RFC3: variants seen among roughly 807,000 people sequenced by gnomAD.
The protein encoded by RFC3 is A1 38 kDa subunit.
In RFC3, 41 loss-of-function variants were observed where a neutral mutation model predicts 45.1. That is an observed-to-expected ratio of 0.91 (90% CI 0.71 to 1.18). RFC3 has a LOEUF of 1.18. Ranked by LOEUF, RFC3 falls within the 50% of genes most tolerant of loss-of-function variation. The pLI, the probability that RFC3 is intolerant of heterozygous loss-of-function variation, is 0.00. For missense variants in RFC3, 423 were observed against 428.1 expected (o/e 0.99, Z 0.10); for synonymous variants, 149 against 144.0 (o/e 1.03, Z -0.25).
At chr13:33,825,647 CTT>C in intron 3 of RFC3, 140 bp from the exon 4 acceptor site, 1 of 416,034 alleles carries the variant, frequency 2.4e-6, no homozygotes, top group Non-Finnish European at 4.2e-6. Context: ...GACCCTAAAA[CTT>C]TTTACTTTTG....
At chr13:33,868,603 T>A (rs1253278349) in intron 8 of RFC3, among the ~76,000 whole-genome samples, 1 of 152,184 alleles carries the variant, frequency 6.6e-6, no homozygotes, top group East Asian at 1.9e-4. Flanking sequence ...CACTCCTTCA[T>A]TTACATAGAG....
intron 8 of RFC3, among the ~76,000 whole-genome samples, chr13:33,918,696 C>T (rs566249588): frequency 1.3e-4 from 20 of 152,074 alleles, no homozygotes; most frequent in Non-Finnish European, 2.4e-4. Flanking sequence ...GAGGGCATTG[C>T]GACAAAAACC....
At chr13:33,937,109 G>A (rs777297471) in intron 8 of RFC3, among the ~76,000 whole-genome samples, 2 of 152,114 alleles carry the variant, frequency 1.3e-5, no homozygotes, top group Non-Finnish European at 2.9e-5. Flanking sequence ...ACCATGTAAT[G>A]TTTCAGATAC....
chr13:33,925,075 A>G (rs2082795706), intron 8 of RFC3, among the ~76,000 whole-genome samples: 1 of 141,882 alleles, frequency 7.0e-6, no homozygotes, highest in East Asian at 2.0e-4. Context: ...ATAGTGTACT[A>G]TATACACGCA....
intron 3 of RFC3, among the ~76,000 whole-genome samples, chr13:33,825,021 G>A (rs1270468430): frequency 6.6e-6 from 1 of 152,130 alleles, no homozygotes; most frequent in East Asian, 1.9e-4. Context: ...GGCTCTTTGA[G>A]AAAATAAAGT....
At chr13:33,901,639 CTATAGTT>C (rs1347565398) in intron 8 of RFC3, among the ~76,000 whole-genome samples, 1 of 151,988 alleles carries the variant, frequency 6.6e-6, no homozygotes, top group East Asian at 1.9e-4. Context: ...AGTAGGGTGA[CTATAGTT>C]TATAATAATC....
At chr13:33,874,387 G>C (rs1026406070) in intron 8 of RFC3, among the ~76,000 whole-genome samples, 2 of 152,062 alleles carry the variant, frequency 1.3e-5, no homozygotes, top group South Asian at 2.1e-4. Flanking sequence ...GTGCAGTCTC[G>C]GCTAACTGCA....
At chr13:33,918,646 C>A (rs1401004866) in intron 8 of RFC3, among the ~76,000 whole-genome samples, 2 of 152,028 alleles carry the variant, frequency 1.3e-5, no homozygotes, top group Admixed American at 1.3e-4. Flanking sequence ...AATAATAGCA[C>A]CAAATAAAGA....
intron 1 of RFC3, among the ~76,000 whole-genome samples, chr13:33,820,902 C>CATATATATATTTATATATAT (rs1350936943): frequency 1.1e-5 from 1 of 90,632 alleles, no homozygotes; most frequent in Non-Finnish European, 2.4e-5. Context: ...AACTTTTCAG[C>CATATATATATTTATATATAT]ATATATATAT....
chr13:33,910,610 C>T (rs893676407), intron 8 of RFC3, among the ~76,000 whole-genome samples: 3 of 151,972 alleles, frequency 2.0e-5, no homozygotes, highest in Non-Finnish European at 4.4e-5. Flanking sequence ...AGCTACCTGG[C>T]AAGGAGTCTA....
At chr13:33,878,532 TGAG>T (rs1352894687) in intron 8 of RFC3, among the ~76,000 whole-genome samples, 1 of 152,086 alleles carries the variant, frequency 6.6e-6, no homozygotes, top group East Asian at 1.9e-4. Context: ...AAAAATGTGA[TGAG>T]GAGCAGGTAT....
At chr13:33,823,312 A>G (rs1287511607) in intron 2 of RFC3, among the ~76,000 whole-genome samples, 1 of 152,182 alleles carries the variant, frequency 6.6e-6, no homozygotes, top group Non-Finnish European at 1.5e-5. Flanking sequence ...CTTACATAGA[A>G]ATGAAAGCAG....
At chr13:33,881,357 C>T (rs1430231281) in intron 8 of RFC3, among the ~76,000 whole-genome samples, 1 of 152,148 alleles carries the variant, frequency 6.6e-6, no homozygotes, top group African/African-American at 2.4e-5. Context: ...ATCATTGGCG[C>T]TCTAAGTCCA....
At chr13:33,834,298 G>GTGTGTGTGTATATATATATATA (rs1302839326) in intron 7 of RFC3, among the ~76,000 whole-genome samples, 3 of 109,218 alleles carry the variant, frequency 2.7e-5, no homozygotes, top group African/African-American at 1.2e-4. Context: ...TGTACTGTGT[G>GTGTGTGTGTATATATATATATA]TATATATATA....
At chr13:33,906,715 A>T (rs2082674120) in intron 8 of RFC3, among the ~76,000 whole-genome samples, 1 of 152,174 alleles carries the variant, frequency 6.6e-6, no homozygotes, top group Admixed American at 6.5e-5. Flanking sequence ...TTTGAAAATT[A>T]CTTCACAAAA....
chr13:33,886,570 CATT>C (rs2082525483), intron 8 of RFC3, among the ~76,000 whole-genome samples: 1 of 150,554 alleles, frequency 6.6e-6, no homozygotes, highest in African/African-American at 2.4e-5. Context: ...AAAAACCCAT[CATT>C]ATTTCAGCCA....
chr13:33,888,490 C>A (rs7336769), intron 8 of RFC3, among the ~76,000 whole-genome samples: 1 of 151,924 alleles, frequency 6.6e-6, no homozygotes, highest in Admixed American at 6.6e-5. Context: ...TTCTCAAGTG[C>A]GGAAGCCGAG....
At chr13:33,891,362 G>C (rs373625681) in intron 8 of RFC3, among the ~76,000 whole-genome samples, 1 of 152,072 alleles carries the variant, frequency 6.6e-6, no homozygotes, top group Admixed American at 6.6e-5. Flanking sequence ...TGTTAACAGG[G>C]AAATCTGTCA....
intron 8 of RFC3, among the ~76,000 whole-genome samples, chr13:33,880,232 A>G (rs2082473949): frequency 1.3e-5 from 2 of 152,220 alleles, no homozygotes; most frequent in Non-Finnish European, 2.9e-5. Flanking sequence ...TGACATATTA[A>G]TAGTCAATCT....
Sources: allele counts gnomAD v4.1 joint callset (sites outside exome capture counted in the v4.1 genomes callset), GRCh38; gene constraint gnomAD v4.1.1; transcripts MANE v1.5; gene names NCBI Gene and HGNC (gene_info 2026-07-23, HGNC 2026-07-21).